Variants in HECW1 observed in about 807,000 individuals in gnomAD.
HECW1 encodes the protein HECT, C2 and WW domain containing E3 ubiquitin protein ligase 1, also known as E3 ubiquitin-protein ligase HECW1.
A neutral mutation model predicts 182.3 loss-of-function variants in HECW1; 61 were observed. The observed-to-expected ratio is 0.33, with a 90% CI of 0.27 to 0.41. The LOEUF is 0.41. HECW1 is among the 10% of genes least tolerant of loss of function. HECW1 has a pLI of 1.00. For missense variants in HECW1, 1,739 were observed against 2,108.9 expected, an observed-to-expected ratio of 0.82 and a Z score of 3.44; for synonymous variants, 859 against 832.6, an observed-to-expected ratio of 1.03 and a Z score of -0.55.
chr7:43,444,293 A>G lies in HECW1; in HGVS notation c.1121A>G (p.Glu374Gly). 6.2e-7 allele frequency: 1 copy of G among 1,614,170 alleles called. No individual in the cohort carries two copies. The highest frequency in any genetic ancestry group is 2.2e-5 in the East Asian group (1 of 44,884). Residue 374 changes from glutamate to glycine, a missense_variant, in exon 11 of 30, where the codon GAA (glutamate) becomes GGA (glycine). By Grantham distance (98) the Glu-to-Gly change is moderately conservative (BLOSUM62 -2). Around this residue, in one of 5 missense-constraint regions of HECW1, gnomAD observed 971 missense variants for 1,029.1 expected, o/e 0.94. Coordinates refer to ENST00000395891, the MANE Select transcript of HECW1 (RefSeq NM_015052.5). This position sits in a 1 kb window ranked among gnomAD's most constrained non-coding sequence, Gnocchi z 4.3. The stretch of plus-strand genomic sequence containing the variant: ...GACAGCCCCATGAACAACCTGATGG[A>G]AAGCGGCAGTGGGGAACCTCGGTCT... ...IQDSPMNNLM[E>G]SGSGEPRSEA...
chr7:43,133,747 A>G (rs1787214077), intron 2 of HECW1, among the ~76,000 whole-genome samples: 1 of 151,886 alleles, frequency 6.6e-6, no homozygotes, highest in African/African-American at 2.4e-5. Context: ...TAATGCTGAT[A>G]TTCATTTCCT....
intron 12 of HECW1, among the ~76,000 whole-genome samples, chr7:43,453,271 G>A (rs2077294015): frequency 6.6e-6 from 1 of 152,172 alleles, no homozygotes; most frequent in Non-Finnish European, 1.5e-5. Flanking sequence ...GCCAGGGTGG[G>A]AGCAGTGGAG....
At chr7:43,151,690 G>A (rs1480987326) in intron 2 of HECW1, among the ~76,000 whole-genome samples, 3 of 151,954 alleles carry the variant, frequency 2.0e-5, no homozygotes. Flanking sequence ...TAACTTGAGG[G>A]GTTTTCACAG....
intron 2 of HECW1, among the ~76,000 whole-genome samples, chr7:43,161,113 CA>C (rs1790480387): frequency 6.6e-6 from 1 of 152,008 alleles, no homozygotes; most frequent in South Asian, 2.1e-4. Flanking sequence ...TGGTGACACA[CA>C]GGTGGAACTG....
intron 6 of HECW1, among the ~76,000 whole-genome samples, chr7:43,383,254 T>A (rs1026387198): frequency 6.6e-6 from 1 of 152,236 alleles, no homozygotes; most frequent in Non-Finnish European, 1.5e-5. Flanking sequence ...TGTGTGCATG[T>A]GTCTTTATAG....
chr7:43,554,097 A>G (rs2081941453), intron 28 of HECW1, among the ~76,000 whole-genome samples: 1 of 152,248 alleles, frequency 6.6e-6, no homozygotes, highest in African/African-American at 2.4e-5. Flanking sequence ...CAGCTGCTCA[A>G]GGGGAGAGCC....
intron 21 of HECW1, among the ~76,000 whole-genome samples, chr7:43,504,568 C>T (rs1294932927): frequency 6.6e-6 from 1 of 152,230 alleles, no homozygotes; most frequent in African/African-American, 2.4e-5. Flanking sequence ...TTCCTGTCTG[C>T]TTCCCCCACT....
chr7:43,176,441 A>G (rs1792256401), intron 2 of HECW1, among the ~76,000 whole-genome samples: 1 of 152,218 alleles, frequency 6.6e-6, no homozygotes, highest in African/African-American at 2.4e-5. Flanking sequence ...TATAAAGAAA[A>G]AAATTCTTTA....
intron 6 of HECW1, among the ~76,000 whole-genome samples, chr7:43,395,897 A>G (rs566734796): frequency 6.5e-4 from 99 of 152,336 alleles, no homozygotes; most frequent in African/African-American, 2.3e-3. Context: ...GAAGAAAGAA[A>G]AAGACTGAAC....
intron 2 of HECW1, among the ~76,000 whole-genome samples, chr7:43,203,984 G>A (rs56255011): frequency 0.036 from 5,481 of 152,184 alleles, 150 homozygotes; most frequent in Middle Eastern, 0.082. Flanking sequence ...GACTCTTTTT[G>A]TCTTACCTAA....
intron 5 of HECW1, among the ~76,000 whole-genome samples, chr7:43,333,718 T>G (rs1360402016): frequency 6.6e-6 from 1 of 152,188 alleles, no homozygotes; most frequent in African/African-American, 2.4e-5. Flanking sequence ...TAGATGCCCC[T>G]GAGCCCAAAA....
At chr7:43,325,613 C>T (rs1040084778) in intron 5 of HECW1, among the ~76,000 whole-genome samples, 1 of 151,544 alleles carries the variant, frequency 6.6e-6, no homozygotes. Context: ...CCCTTCTCCC[C>T]CGCCCTTGTG....
At chr7:43,336,103 C>CTTCTTTCTTTCTTTCTTTCTTTCT (rs1300854192) in intron 5 of HECW1, among the ~76,000 whole-genome samples, 3 of 107,116 alleles carry the variant, frequency 2.8e-5, no homozygotes, top group African/African-American at 1.1e-4. Flanking sequence ...TTCTTTCTTT[C>CTTCTTTCTTTCTTTCTTTCTTTCT]TTCTTTCTTT....
chr7:43,169,856 G>A (rs1791501791), intron 2 of HECW1, among the ~76,000 whole-genome samples: 1 of 151,948 alleles, frequency 6.6e-6, no homozygotes, highest in South Asian at 2.1e-4. Flanking sequence ...TCCTCATGAT[G>A]CCAATTCCCC....
chr7:43,341,321 TAAATAAATA>T (rs1812970928), intron 5 of HECW1, among the ~76,000 whole-genome samples: 1 of 73,896 alleles, frequency 1.4e-5, no homozygotes, highest in South Asian at 4.7e-4. Flanking sequence ...AATAAATAAA[TAAATAAATA>T]AATAAATAAA....
At chr7:43,541,023 G>A in intron 24 of HECW1, 140 bp from the exon 25 acceptor site, 1 of 683,396 alleles carries the variant, frequency 1.5e-6, no homozygotes, top group South Asian at 1.7e-5. Context: ...AAGAACAGGT[G>A]CCTCCCTTGT....
intron 19 of HECW1, among the ~76,000 whole-genome samples, chr7:43,499,392 G>A (rs1016361014): frequency 1.2e-4 from 18 of 151,744 alleles, no homozygotes; most frequent in African/African-American, 4.4e-4. Context: ...TCGTTTGAAC[G>A]CAGGAGGCAG....
chr7:43,332,611 C>T (rs182031101), intron 5 of HECW1, among the ~76,000 whole-genome samples: 2 of 152,336 alleles, frequency 1.3e-5, no homozygotes, highest in Admixed American at 1.3e-4. Context: ...TCCAATTACA[C>T]AGACAGACAC....
intron 8 of HECW1, among the ~76,000 whole-genome samples, chr7:43,425,652 G>A (rs1284423120): frequency 1.3e-5 from 2 of 152,124 alleles, no homozygotes; most frequent in Non-Finnish European, 2.9e-5. Flanking sequence ...CAGTAGCATG[G>A]CACTGGCATC....
Sources: gnomAD v4.1 joint callset for allele counts (sites outside exome capture counted in the v4.1 genomes callset) on GRCh38, gnomAD v4.1.1 for gene constraint, gnomAD v4.1.1 regional missense constraint, Gnocchi (gnomAD v3.1) non-coding constraint, MANE v1.5 for transcripts, NCBI Gene and HGNC (gene_info 2026-07-23, HGNC 2026-07-21) for gene names.